The following PBRM1 variants were observed in gnomAD, a reference collection of about 807,000 sequenced individuals.
PBRM1 encodes protein polybromo-1.
A neutral mutation model predicts 194.5 loss-of-function variants in PBRM1; 27 were observed. That is an observed-to-expected ratio of 0.14 (90% CI 0.10 to 0.19). The LOEUF is 0.19. Among genes scored for constraint, PBRM1 ranks in the 10% least tolerant of loss-of-function variants. The pLI, the probability that PBRM1 is intolerant of heterozygous loss-of-function variation, is 1.00. For missense variants in PBRM1, 1,466 were observed against 2,077.2 expected (o/e 0.71, Z 5.72); for synonymous variants, 655 against 693.2 (o/e 0.94, Z 0.87).
At chr3:52,576,846 T>A (rs932967447) in intron 21 of PBRM1, 148 bp from the exon 24 acceptor site, 2 of 499,780 alleles carry the variant, frequency 4.0e-6, no homozygotes, top group Non-Finnish European at 6.9e-6. Flanking sequence ...TTCATTAATT[T>A]TTTCCCCCAT....
chr3:52,601,995 G>A (rs181851426), intron 17 of PBRM1, among the ~76,000 whole-genome samples: 1 of 152,240 alleles, frequency 6.6e-6, no homozygotes, highest in Admixed American at 6.5e-5. Context: ...CCACATGCTG[G>A]GAAAAGTGCT....
exon 25 of PBRM1, chr3:52,561,887 T>G (rs2083625461): frequency 6.2e-7 from 1 of 1,614,054 alleles, no homozygotes; most frequent in Non-Finnish European, 8.5e-7. Context: ...ATCTCACTGC[T>G]GAACAGGATG....
intron 10 of PBRM1, among the ~76,000 whole-genome samples, chr3:52,636,345 T>A (rs935945268): frequency 6.6e-6 from 1 of 152,124 alleles, no homozygotes; most frequent in Non-Finnish European, 1.5e-5. Flanking sequence ...ATAAAAAATA[T>A]GTTGCTCATT....
chr3:52,664,855 G>A (rs1429062062), intron 3 of PBRM1, among the ~76,000 whole-genome samples: 2 of 152,062 alleles, frequency 1.3e-5, no homozygotes, highest in Non-Finnish European at 2.9e-5. Context: ...ACAAGAACAG[G>A]GCAAAGGCAA....
chr3:52,549,497 C>T (rs1340574458), intron 29 of PBRM1, among the ~76,000 whole-genome samples: 1 of 151,984 alleles, frequency 6.6e-6, no homozygotes, highest in African/African-American at 2.4e-5. Flanking sequence ...GTCCAAATGC[C>T]TGAAAAACAA....
At chr3:52,677,427 T>C (rs2097130254) in intron 2 of PBRM1, among the ~76,000 whole-genome samples, 1 of 120,610 alleles carries the variant, frequency 8.3e-6, no homozygotes. Flanking sequence ...TTTTTTTTTT[T>C]TTGAGATGGA....
intron 15 of PBRM1, among the ~76,000 whole-genome samples, chr3:52,610,333 A>G (rs2094545139): frequency 6.6e-6 from 1 of 152,228 alleles, no homozygotes; most frequent in African/African-American, 2.4e-5. Context: ...TTTAATCTCA[A>G]TTGAAAGTAT....
rs2094492908 is a variant in PBRM1 at position 52,609,167 on chromosome 3, T to C, written c.2567+146A>G. 4 of 661,156 alleles carry C rather than the reference T, an allele frequency of 6.1e-6. No individual in the cohort carries two copies. Among genetic ancestry groups the C allele is most frequent in the African/African-American group, 1.8e-5 (1 of 54,940 alleles). The allele number at this position is 661,156 out of a possible 1,614,324, so 41.0% of individuals were successfully genotyped here. On this transcript the variant is annotated intron_variant, in intron 16 of 29. Coordinates refer to ENST00000296302, the Ensembl canonical transcript of PBRM1. The surrounding 1 kb of genome is among the most constrained non-coding windows in gnomAD (Gnocchi z 4.1). ...ACAGAATATACTCACTCTTAAGAAGTTCTGGCTGATTAGAATTCAGAATAG... is the reference window on the plus strand; with the variant it reads ...ACAGAATATACTCACTCTTAAGAAGCTCTGGCTGATTAGAATTCAGAATAG...
chr3:52,568,029 A>G (rs1171178780), intron 22 of PBRM1, among the ~76,000 whole-genome samples: 1 of 151,634 alleles, frequency 6.6e-6, no homozygotes, highest in East Asian at 1.9e-4. Flanking sequence ...CTCAGGTTGG[A>G]GCGCAGTGGT....
Position 52,603,651 on chromosome 3 carries a change from T to C in PBRM1, c.2649A>G (p.Gly883=), listed in dbSNP as rs777609762. ...TGAGTGCCGGTGAAAGAAGAATCTC[T>C]CCATTTTTGCAGAGTTCATCACGAA... Residue 883 remains glycine, a synonymous_variant, in exon 17 of 30, where the codon GGA becomes GGG. Transcript: ENST00000296302. The C allele has an allele frequency of 3.7e-6, 6 of 1,613,412 alleles. No individual in the cohort carries two copies. The African/African-American group carries it at 4.0e-5, about 11-fold the overall frequency.
At chr3:52,572,240 T>C (rs905247210) in intron 22 of PBRM1, among the ~76,000 whole-genome samples, 1 of 152,128 alleles carries the variant, frequency 6.6e-6, no homozygotes, top group Non-Finnish European at 1.5e-5. Flanking sequence ...AAAAATCTAC[T>C]GTGAAGGGAA....
chr3:52,553,403 T>C (rs2081425116), intron 27 of PBRM1, among the ~76,000 whole-genome samples: 1 of 152,118 alleles, frequency 6.6e-6, no homozygotes, highest in Admixed American at 6.5e-5. Context: ...TATATTTCTA[T>C]ATAAAAGAAC....
intron 3 of PBRM1, among the ~76,000 whole-genome samples, chr3:52,664,515 C>T (rs1478593894): frequency 3.3e-5 from 5 of 151,256 alleles, no homozygotes; most frequent in African/African-American, 1.2e-4. Context: ...GCGAGTGGAT[C>T]ACCTGAGGTC....
At chr3:52,652,455 G>A (rs1191376574) in intron 5 of PBRM1, among the ~76,000 whole-genome samples, 2 of 151,844 alleles carry the variant, frequency 1.3e-5, no homozygotes, top group Non-Finnish European at 2.9e-5. Flanking sequence ...TTGGGAGGCC[G>A]AGGCGGGTGG....
chr3:52,650,482 T>C (rs975746185), intron 6 of PBRM1, among the ~76,000 whole-genome samples: 1 of 151,250 alleles, frequency 6.6e-6, no homozygotes, highest in African/African-American at 2.4e-5. Context: ...TACTCTTTAC[T>C]ACTCTCTTAG....
intron 22 of PBRM1, among the ~76,000 whole-genome samples, chr3:52,574,257 C>T (rs2088573196): frequency 6.6e-6 from 1 of 152,182 alleles, no homozygotes; most frequent in African/African-American, 2.4e-5. Context: ...AGACAGCAAA[C>T]CCATTCAGAC....
At chr3:52,555,941 T>C (rs1361635106) in intron 26 of PBRM1, among the ~76,000 whole-genome samples, 1 of 152,118 alleles carries the variant, frequency 6.6e-6, no homozygotes, top group Non-Finnish European at 1.5e-5. Context: ...CAACTTGACT[T>C]TTCTGGGATT....
chr3:52,579,251 A>G, intron 20 of PBRM1, 52 bp from the exon 23 acceptor site: 1 of 1,521,716 alleles, frequency 6.6e-7, no homozygotes, highest in Non-Finnish European at 9.1e-7. Context: ...CAAGGAATAG[A>G]GAAGGTAAGA....
intron 26 of PBRM1, among the ~76,000 whole-genome samples, chr3:52,556,845 G>A (rs1257709285): frequency 2.0e-5 from 3 of 152,024 alleles, no homozygotes; most frequent in Non-Finnish European, 4.4e-5. Context: ...ATGGAGCAGG[G>A]GCTTTCTAGA....
Sources: gnomAD v4.1 joint callset for allele counts (sites outside exome capture counted in the v4.1 genomes callset) on GRCh38, gnomAD v4.1.1 for gene constraint, Gnocchi (gnomAD v3.1) non-coding constraint, MANE v1.5 for transcripts, NCBI Gene and HGNC (gene_info 2026-07-23, HGNC 2026-07-21) for gene names.